Variants in SHISA9 observed in about 807,000 individuals in gnomAD.
The protein encoded by SHISA9 is protein shisa-9.
A neutral mutation model predicts 38.0 loss-of-function variants in SHISA9; 13 were observed. The ratio of observed to expected loss-of-function variants is 0.34; its 90% CI spans 0.22 to 0.54. The LOEUF is 0.54. Ranked by LOEUF, SHISA9 falls within the 20% of genes least tolerant of loss-of-function variation. SHISA9 has a pLI of 0.91. For synonymous variants in SHISA9, 275 were observed against 242.0 expected (o/e 1.14, Z -1.27); for missense variants, 538 against 575.8 (o/e 0.93, Z 0.67).
At chr16:13,550,030 A>AAAT in the SHISA9 span, among the ~76,000 whole-genome samples, 1 of 151,672 alleles carries the variant, frequency 6.6e-6, no homozygotes, top group Admixed American at 6.6e-5. Context: ...CTCAAAAAAA[A>AAAT]AAAAAATAAA....
At chr16:13,260,007 C>CTGTTTTTTT in the SHISA9 span, among the ~76,000 whole-genome samples, 1 of 60,420 alleles carries the variant, frequency 1.7e-5, no homozygotes, top group Admixed American at 2.8e-4. Context: ...TTCTTTCTTT[C>CTGTTTTTTT]TTTTTTTTTT....
At chr16:13,437,692 C>T in the SHISA9 span, among the ~76,000 whole-genome samples, 1 of 152,090 alleles carries the variant, frequency 6.6e-6, no homozygotes, top group African/African-American at 2.4e-5. Flanking sequence ...GGGCCCAGAG[C>T]ATTTCTCAAG....
the SHISA9 span, among the ~76,000 whole-genome samples, chr16:13,396,938 G>A: frequency 6.6e-6 from 1 of 151,974 alleles, no homozygotes; most frequent in South Asian, 2.1e-4. Context: ...CATATATGTG[G>A]ATTTTCTTCC....
intron 2 of SHISA9, among the ~76,000 whole-genome samples, chr16:13,105,723 A>C (rs2073919865): frequency 6.6e-6 from 1 of 152,190 alleles, no homozygotes; most frequent in South Asian, 2.1e-4. Context: ...AATCAAGCTC[A>C]TCTGCTGAGG....
At chr16:13,422,000 A>T in the SHISA9 span, among the ~76,000 whole-genome samples, 41 of 152,316 alleles carry the variant, frequency 2.7e-4, no homozygotes, top group African/African-American at 8.2e-4. Context: ...TGCATCCTCT[A>T]ATATAAATGG....
the SHISA9 span, among the ~76,000 whole-genome samples, chr16:13,542,501 A>C: frequency 6.6e-6 from 1 of 152,200 alleles, no homozygotes; most frequent in East Asian, 1.9e-4. Flanking sequence ...AGCCCCCTAG[A>C]GGGCAGAGCA....
chr16:13,078,432 G>T (rs1446509756), intron 2 of SHISA9, among the ~76,000 whole-genome samples: 1 of 151,440 alleles, frequency 6.6e-6, no homozygotes, highest in South Asian at 2.1e-4. Flanking sequence ...TTAAGACAGG[G>T]TCTCATTCTG....
At chr16:13,377,447 G>A in the SHISA9 span, among the ~76,000 whole-genome samples, 1 of 152,156 alleles carries the variant, frequency 6.6e-6, no homozygotes, top group Non-Finnish European at 1.5e-5. Flanking sequence ...GGGAGGGAGA[G>A]CAAAGAGGAT....
At chr16:12,987,968 G>A (rs2072335002) in intron 2 of SHISA9, among the ~76,000 whole-genome samples, 2 of 152,222 alleles carry the variant, frequency 1.3e-5, no homozygotes, top group Admixed American at 1.3e-4. Context: ...GGTCTCCAGT[G>A]TTCCTATTCT....
Position 13,139,394 on chromosome 16 carries a change from T to TTTCCTTCCTTCCTTCCTTCCTTCC in SHISA9, c.692-63984_692-63961dup, listed in dbSNP as rs71147783. ...CCTCCCTCCGTCCCTCCCTTCCTTC[T>TTTCCTTCCTTCCTTCCTTCCTTCC]TTCCTTCCTTCCTTCCTTCCTTCCT... On this transcript the variant is annotated intron_variant, in intron 2 of 4. Transcript: ENST00000558583. Among the ~76,000 whole-genome samples, 310 of 95,062 alleles carry TTTCCTTCCTTCCTTCCTTCCTTCC rather than the reference T, an allele frequency of 3.3e-3. 5 individuals carry two copies. Among genetic ancestry groups the TTTCCTTCCTTCCTTCCTTCCTTCC allele is most frequent in the African/African-American group, 0.01 (223 of 21,818 alleles). 62.4% of individuals were successfully genotyped at this position (95,062 alleles called of 152,430 possible). A position where few individuals can be genotyped will look rare whatever the true frequency, so the allele number is the denominator to read the frequency against.
chr16:13,472,477 C>T, the SHISA9 span, among the ~76,000 whole-genome samples: 3 of 148,240 alleles, frequency 2.0e-5, no homozygotes, highest in East Asian at 2.0e-4. Flanking sequence ...CTCCAAGCTC[C>T]GCCTCCCAGG....
chr16:13,033,187 A>G (rs1007986514), intron 2 of SHISA9, among the ~76,000 whole-genome samples: 1 of 152,286 alleles, frequency 6.6e-6, no homozygotes, highest in Non-Finnish European at 1.5e-5. Flanking sequence ...TTCTGAAATC[A>G]TCATGCAGTG....
At chr16:12,973,434 A>G (rs2072111985) in intron 2 of SHISA9, among the ~76,000 whole-genome samples, 1 of 152,208 alleles carries the variant, frequency 6.6e-6, no homozygotes, top group South Asian at 2.1e-4. Context: ...ATAAAGATAT[A>G]GGCTACAGAC....
At chr16:12,973,123 C>T (rs4457975) in intron 2 of SHISA9, among the ~76,000 whole-genome samples, 24,631 of 152,036 alleles carry the variant, frequency 0.16, 2,127 homozygotes, top group Admixed American at 0.2. Context: ...TTCACCCCTC[C>T]GCTCCCCCCA....
intron 2 of SHISA9, among the ~76,000 whole-genome samples, chr16:13,012,759 T>C (rs2072693699): frequency 6.6e-6 from 1 of 152,208 alleles, no homozygotes; most frequent in Non-Finnish European, 1.5e-5. Flanking sequence ...TGCTTGATAC[T>C]TACACCACTT....
intron 4 of SHISA9, among the ~76,000 whole-genome samples, chr16:13,233,071 G>T (rs1348124122): frequency 6.6e-6 from 1 of 152,062 alleles, no homozygotes; most frequent in Non-Finnish European, 1.5e-5. Flanking sequence ...AAAATATTTT[G>T]ACTTTCTTCT....
chr16:12,995,094 T>G (rs149641230), intron 2 of SHISA9, among the ~76,000 whole-genome samples: 157 of 152,198 alleles, frequency 1.0e-3, no homozygotes, highest in African/African-American at 3.6e-3. Flanking sequence ...AACTTTTACT[T>G]TTTATGGGTA....
At chr16:13,214,667 C>T (rs775051008) in intron 4 of SHISA9, among the ~76,000 whole-genome samples, 6 of 152,312 alleles carry the variant, frequency 3.9e-5, no homozygotes, top group African/African-American at 7.2e-5. Flanking sequence ...CACAGTTCCA[C>T]GTGGCTGGGG....
At chr16:13,053,080 C>T (rs1412219787) in intron 2 of SHISA9, among the ~76,000 whole-genome samples, 1 of 150,976 alleles carries the variant, frequency 6.6e-6, no homozygotes, top group Non-Finnish European at 1.5e-5. Flanking sequence ...TCTCATGTCC[C>T]ATTCTCCCGA....
Sources: gnomAD v4.1 joint callset for allele counts (sites outside exome capture counted in the v4.1 genomes callset) on GRCh38, gnomAD v4.1.1 for gene constraint, MANE v1.5 for transcripts, NCBI Gene and HGNC (gene_info 2026-07-23, HGNC 2026-07-21) for gene names.